The following CCSER1 variants were observed in gnomAD, a reference collection of about 807,000 sequenced individuals.
CCSER1 encodes the protein serine-rich coiled-coil domain-containing protein 1.
A neutral mutation model predicts 82.0 loss-of-function variants in CCSER1; 41 were observed. The ratio of observed to expected loss-of-function variants is 0.50; its 90% CI spans 0.39 to 0.65. The LOEUF (loss-of-function observed/expected upper bound fraction) is 0.65, where lower values mean the gene tolerates loss of function less well. CCSER1 is among the 30% of genes least tolerant of loss of function. CCSER1 has a pLI of 0.00. For missense variants in CCSER1, 1,119 were observed against 1,064.2 expected (o/e 1.05, Z -0.72); for synonymous variants, 414 against 383.9 (o/e 1.08, Z -0.92).
At chr4:91,338,880 AC>A (rs1206162927) in intron 10 of CCSER1, among the ~76,000 whole-genome samples, 5 of 152,174 alleles carry the variant, frequency 3.3e-5, no homozygotes, top group African/African-American at 1.2e-4. Context: ...ATTTAAAAGC[AC>A]AGAATTTTTT....
At chr4:90,788,154 G>A (rs1469785573) in intron 7 of CCSER1, among the ~76,000 whole-genome samples, 1 of 152,100 alleles carries the variant, frequency 6.6e-6, no homozygotes, top group African/African-American at 2.4e-5. Context: ...GCTTTGAGGT[G>A]AAAGACTAAG....
intron 5 of CCSER1, among the ~76,000 whole-genome samples, chr4:90,539,283 G>T (rs898166364): frequency 2.0e-5 from 3 of 151,890 alleles, no homozygotes; most frequent in Non-Finnish European, 4.4e-5. Flanking sequence ...TCATGAAAAT[G>T]TTTAAGAACC....
chr4:90,301,126 A>C (rs28480181), intron 1 of CCSER1, among the ~76,000 whole-genome samples: 10,507 of 152,078 alleles, frequency 0.069, 1,041 homozygotes, highest in African/African-American at 0.22. Flanking sequence ...TGAACCAGTG[A>C]ACCCAGAGAA....
At chr4:90,917,988 C>T (rs906251134) in intron 8 of CCSER1, among the ~76,000 whole-genome samples, 4 of 151,960 alleles carry the variant, frequency 2.6e-5, no homozygotes, top group Admixed American at 2.0e-4. Flanking sequence ...CTATTTTAAG[C>T]AGACTTTGTG....
rs532652429 is a variant in CCSER1, at chr4:91,604,673, T to G, written c.*5616T>G. The G allele has an allele frequency of 6.6e-6, 1 of 152,170 alleles. No individual in the cohort carries two copies. Among genetic ancestry groups the G allele is most frequent in the Non-Finnish European group, 1.5e-5 (1 of 67,934 alleles). 9.4% of individuals were successfully genotyped at this position (152,170 alleles called of 1,614,324 possible). ...TCATCAAATTCCTGTTTGTATTGCC[T>G]TATACATACTTAAAAAACAAGATAT... is the stretch of plus-strand genomic sequence containing the variant. On this transcript the variant is annotated 3_prime_UTR_variant, in exon 11 of 11. Coordinates refer to ENST00000509176, the MANE Select transcript of CCSER1 (RefSeq NM_001145065.2).
intron 5 of CCSER1, among the ~76,000 whole-genome samples, chr4:90,480,050 C>G (rs1322873825): frequency 6.6e-6 from 1 of 152,154 alleles, no homozygotes; most frequent in Admixed American, 6.5e-5. Context: ...TGTTTCCTGA[C>G]TTTTTAATGA....
intron 9 of CCSER1, among the ~76,000 whole-genome samples, chr4:90,963,590 C>T (rs72882890): frequency 0.027 from 4,028 of 151,948 alleles, 117 homozygotes; most frequent in African/African-American, 0.076. Context: ...TGTAAGAAGA[C>T]GGAAAACATG....
chr4:90,549,398 G>A (rs927263918), intron 5 of CCSER1, among the ~76,000 whole-genome samples: 3 of 151,832 alleles, frequency 2.0e-5, no homozygotes, highest in African/African-American at 7.3e-5. Context: ...CATAAGAGAA[G>A]TCACGATAAA....
intron 10 of CCSER1, among the ~76,000 whole-genome samples, chr4:91,163,291 A>G (rs1424732973): frequency 6.6e-6 from 1 of 152,240 alleles, no homozygotes; most frequent in Non-Finnish European, 1.5e-5. Context: ...CTATGGTCTT[A>G]GAGACAGTTT....
chr4:90,549,938 G>A (rs555128235), intron 5 of CCSER1, among the ~76,000 whole-genome samples: 1 of 151,982 alleles, frequency 6.6e-6, no homozygotes, highest in Non-Finnish European at 1.5e-5. Context: ...TGGACATGGG[G>A]GAAAGGAAAG....
intron 5 of CCSER1, among the ~76,000 whole-genome samples, chr4:90,580,152 G>GAT (rs1781265250): frequency 6.6e-6 from 1 of 151,948 alleles, no homozygotes; most frequent in Non-Finnish European, 1.5e-5. Context: ...CATGCATAGG[G>GAT]ATATATATAA....
chr4:91,299,739 G>T (rs1240226681), intron 10 of CCSER1, among the ~76,000 whole-genome samples: 1 of 150,104 alleles, frequency 6.7e-6, no homozygotes, highest in Non-Finnish European at 1.5e-5. Flanking sequence ...TTCTGTAAAA[G>T]TCACAATAAA....
chr4:90,472,927 C>G (rs1489742757), intron 5 of CCSER1, among the ~76,000 whole-genome samples: 1 of 151,994 alleles, frequency 6.6e-6, no homozygotes, highest in Non-Finnish European at 1.5e-5. Context: ...AGGTCATTAT[C>G]CTAAGTGAAA....
At chr4:90,505,948 C>T (rs562645323) in intron 5 of CCSER1, among the ~76,000 whole-genome samples, 30 of 152,248 alleles carry the variant, frequency 2.0e-4, no homozygotes, top group African/African-American at 7.2e-4. Context: ...TAAAATTTCT[C>T]CCCCTCTCTC....
rs528439384 is a variant in CCSER1 at position 90,284,918 on chromosome 4, G to C, written c.-41-23326G>C. On this transcript the variant is annotated intron_variant, in intron 1 of 10. Coordinates refer to ENST00000509176, the MANE Select transcript of CCSER1 (RefSeq NM_001145065.2). ...TGTCCTTTCCCCAAGGTATATCCTTGGCAACTTTGTCAAAAATGAGTTTAC... is the reference window on the plus strand; with the variant it reads ...TGTCCTTTCCCCAAGGTATATCCTTCGCAACTTTGTCAAAAATGAGTTTAC... Among the ~76,000 whole-genome samples, 4 of 152,030 alleles carry C rather than the reference G, an allele frequency of 2.6e-5. No individual in the cohort carries two copies. The East Asian group carries it at 7.8e-4, about 30-fold the overall frequency.
At chr4:90,276,853 G>A (rs550939333) in intron 1 of CCSER1, among the ~76,000 whole-genome samples, 3 of 151,864 alleles carry the variant, frequency 2.0e-5, no homozygotes, top group African/African-American at 7.2e-5. Flanking sequence ...TGTTTTTTTT[G>A]TATGTGGCTA....
At chr4:90,397,122 G>C (rs1457753602) in intron 3 of CCSER1, among the ~76,000 whole-genome samples, 1 of 152,170 alleles carries the variant, frequency 6.6e-6, no homozygotes, top group Non-Finnish European at 1.5e-5. Context: ...CTCCTCTACA[G>C]TAACAAGAAA....
intron 5 of CCSER1, among the ~76,000 whole-genome samples, chr4:90,471,932 G>T (rs781117904): frequency 9.9e-5 from 15 of 151,886 alleles, no homozygotes; most frequent in African/African-American, 3.1e-4. Context: ...AGCTAAGATT[G>T]TGTCACTGCA....
chr4:90,463,281 A>G (rs528485562), intron 4 of CCSER1, among the ~76,000 whole-genome samples: 2 of 152,336 alleles, frequency 1.3e-5, no homozygotes, highest in African/African-American at 4.8e-5. Flanking sequence ...ATAAACTATT[A>G]CATTTACACT....
Sources: gnomAD v4.1 joint callset for allele counts (sites outside exome capture counted in the v4.1 genomes callset) on GRCh38, gnomAD v4.1.1 for gene constraint, MANE v1.5 for transcripts, NCBI Gene and HGNC (gene_info 2026-07-23, HGNC 2026-07-21) for gene names.